The following PRDM9 variants were observed in gnomAD, a reference collection of about 807,000 sequenced individuals.
The protein encoded by PRDM9 is histone-lysine N-methyltransferase PRDM9.
PRDM9 carries 47 observed loss-of-function variants against 55.6 expected under a neutral mutation model. That is an observed-to-expected ratio of 0.85 (90% CI 0.67 to 1.08). PRDM9 has a LOEUF of 1.08. Among genes scored for constraint, PRDM9 ranks in the 50% least tolerant of loss-of-function variants. PRDM9 has a pLI of 0.00. For synonymous variants in PRDM9, 312 were observed against 375.7 expected (o/e 0.83, Z 1.96); for missense variants, 867 against 1,040.3 (o/e 0.83, Z 2.29).
intron 10 of PRDM9, among the ~76,000 whole-genome samples, chr5:23,525,339 G>C (rs1386281259): frequency 6.6e-6 from 1 of 152,186 alleles, no homozygotes; most frequent in Non-Finnish European, 1.5e-5. Context: ...GAGAATGGTG[G>C]GCAGGATGAA....
At chr5:23,508,488 C>T (rs368103874) in intron 1 of PRDM9, among the ~76,000 whole-genome samples, 1 of 152,260 alleles carries the variant, frequency 6.6e-6, no homozygotes, top group East Asian at 1.9e-4. Flanking sequence ...TGCTTTACTC[C>T]TGGATTTTTC....
chr5:23,508,199 C>T (rs1276185401), intron 1 of PRDM9, among the ~76,000 whole-genome samples: 1 of 152,070 alleles, frequency 6.6e-6, no homozygotes, highest in African/African-American at 2.4e-5. Context: ...CAAATCCTTT[C>T]ATCCTGAGGA....
At chr5:23,507,766 C>G (rs1459308115) in intron 1 of PRDM9, 54 bp downstream of exon 1, 1 of 152,226 alleles carries the variant, frequency 6.6e-6, no homozygotes, top group Admixed American at 6.6e-5. Flanking sequence ...CCCAGATCCC[C>G]TCACCCTGGG....
rs1225319688 is a variant in PRDM9 at position 23,509,463 on chromosome 5, C to T, written c.70-7C>T. The T allele has an allele frequency of 5.0e-6, 8 of 1,614,134 alleles. No individual in the cohort carries two copies. The South Asian group carries it at 6.6e-5, about 13-fold the overall frequency. On this transcript the variant is annotated splice_polypyrimidine_tract_variant and splice_region_variant and intron_variant, in intron 2 of 10. Transcript: ENST00000296682. ...AAATCACTGATGGAATCTGTTACTT[C>T]CTCTAGGTCAAAGATGCCTTCAAAG...
intron 2 of PRDM9, 46 bp from the exon 3 acceptor site, chr5:23,509,424 T>A: frequency 6.2e-7 from 1 of 1,613,984 alleles, no homozygotes; most frequent in Non-Finnish European, 8.5e-7. Flanking sequence ...AGGACCAGCT[T>A]GATGTGTACT....
chr5:23,520,817 G>C (rs1170179932), intron 5 of PRDM9, among the ~76,000 whole-genome samples: 1 of 152,128 alleles, frequency 6.6e-6, no homozygotes, highest in African/African-American at 2.4e-5. Flanking sequence ...TTTAGAGAAA[G>C]TTGAAGGAAA....
chr5:23,519,731 C>A (rs1371515232), intron 5 of PRDM9, among the ~76,000 whole-genome samples: 1 of 151,728 alleles, frequency 6.6e-6, no homozygotes. Context: ...ACATTATTAT[C>A]TTTCATGTTC....
chr5:23,525,167 C>T (rs1328957512), intron 10 of PRDM9, among the ~76,000 whole-genome samples: 2 of 152,190 alleles, frequency 1.3e-5, no homozygotes, highest in African/African-American at 4.8e-5. Context: ...TCTTAGGAGA[C>T]AGCATTTGAG....
In PRDM9 at chr5:23,526,336, C is replaced by T; in HGVS notation, c.1248C>T (p.Phe416=). The change falls in exon 11 of 11, where the codon TTC becomes TTT. Residue 416 remains phenylalanine, a synonymous_variant. Coordinates refer to ENST00000296682, the MANE Select transcript of PRDM9 (RefSeq NM_020227.4). ...HVERNHSSQN[F]PGPSARKLLQ... ...AACGCAATCACTCCTCTCAGAACTTCCCAGGACCATCTGCAAGAAAACTCC... is the reference window on the plus strand; with the variant it reads ...AACGCAATCACTCCTCTCAGAACTTTCCAGGACCATCTGCAAGAAAACTCC... 6.2e-7 allele frequency: 1 copy of T among 1,614,188 alleles called. No individual in the cohort carries two copies. The highest frequency in any genetic ancestry group is 8.5e-7 in the Non-Finnish European group (1 of 1,180,040).
chr5:23,526,770 T>G lies in PRDM9; in HGVS notation c.1682T>G (p.Phe561Cys). The part of the protein sequence containing the change: ...LYVCRECGRG[F>C]SWKSHLLIHQ... ...GTCTGCAGGGAGTGTGGGCGGGGCT[T>G]TAGCTGGAAGTCACACCTCCTCATT... The change falls in exon 11 of 11, where the codon TTT (phenylalanine) becomes TGT (cysteine). Residue 561 changes from phenylalanine (F) to cysteine (C), a missense_variant. Around this residue, in one of 5 missense-constraint regions of PRDM9, gnomAD observed 662 missense variants for 711.9 expected, o/e 0.93. Transcript: ENST00000296682. 6.3e-7 allele frequency: 1 copy of G among 1,589,626 alleles called. No individual in the cohort carries two copies. Among genetic ancestry groups the G allele is most frequent in the Non-Finnish European group, 8.6e-7 (1 of 1,169,088 alleles).
chr5:23,512,479 A>G (rs1435635330), intron 4 of PRDM9, among the ~76,000 whole-genome samples: 1 of 152,158 alleles, frequency 6.6e-6, no homozygotes, highest in Non-Finnish European at 1.5e-5. Flanking sequence ...AAGAGGTATG[A>G]AAGGCCAGTG....
At chr5:23,521,257 G>A (rs1386229147) in intron 6 of PRDM9, 78 bp downstream of exon 6, 5 of 1,555,982 alleles carry the variant, frequency 3.2e-6, no homozygotes, top group African/African-American at 2.7e-5. Context: ...TACCTATGTG[G>A]GGTGGACTTT....
intron 5 of PRDM9, among the ~76,000 whole-genome samples, chr5:23,520,364 C>CAA (rs59333354): frequency 5.1e-3 from 224 of 43,534 alleles, no homozygotes; most frequent in Non-Finnish European, 6.0e-3. Flanking sequence ...GACTCCTTCT[C>CAA]AAAAAAAAAA....
rs780759190 is a variant in PRDM9, at chr5:23,522,406, G to A, written c.610+1G>A. ...GAGCCGCAGGATGATGATTACCTCTGTAAGTGACACTTTTGGCCACTCACA... is the reference window on the plus strand; with the variant it reads ...GAGCCGCAGGATGATGATTACCTCTATAAGTGACACTTTTGGCCACTCACA... On this transcript the variant is annotated splice_donor_variant, in intron 7 of 10. Transcript: ENST00000296682. LOFTEE classifies it high-confidence loss of function. The A allele has an allele frequency of 1.9e-6, 3 of 1,612,976 alleles. No individual in the cohort carries two copies. Among genetic ancestry groups the A allele is most frequent in the Non-Finnish European group, 2.5e-6 (3 of 1,178,926 alleles).
intron 10 of PRDM9, 61 bp from the exon 11 acceptor site, chr5:23,526,172 C>A (rs191157574): frequency 2.6e-6 from 4 of 1,514,476 alleles, no homozygotes; most frequent in African/African-American, 1.4e-5. Context: ...GATCTTCATA[C>A]CTTCATATGT....
At chr5:23,509,168 C>A (rs371961257) in intron 2 of PRDM9, 66 bp downstream of exon 2, 2 of 1,591,772 alleles carry the variant, frequency 1.3e-6, no homozygotes. Flanking sequence ...CTGCAGACTC[C>A]TGGCCTGTAC....
At position 23,521,207 on chromosome 5, in the gene PRDM9, A is replaced by AGTCC. The variant is rs560791425; in HGVS notation, c.508+29_508+32dup. The AGTCC allele has an allele frequency of 5.1e-5, 82 of 1,611,106 alleles. No individual in the cohort carries two copies. The African/African-American group carries it at 9.3e-4, about 18-fold the overall frequency. On this transcript the variant is annotated intron_variant, in intron 6 of 10. Coordinates refer to ENST00000296682, the MANE Select transcript of PRDM9 (RefSeq NM_020227.4). ...AAGAAAAAATATTTGCGGGGACTTT[A>AGTCC]GTCCCTCTATGTCCTCTAGAAAGGT...
At chr5:23,519,628 TG>T (rs1739287063) in intron 5 of PRDM9, among the ~76,000 whole-genome samples, 1 of 152,128 alleles carries the variant, frequency 6.6e-6, no homozygotes, top group Admixed American at 6.5e-5. Flanking sequence ...CCCAAAGTGC[TG>T]GGATTACAGG....
rs1579595665 is a variant in PRDM9, at chr5:23,524,582, G to T, written c.1144+55G>T. 22 of 1,610,222 alleles carry T rather than the reference G, an allele frequency of 1.4e-5. No homozygotes were observed. In the East Asian group the frequency reaches 4.7e-4, roughly 34 times the overall value. On this transcript the variant is annotated intron_variant, in intron 10 of 10. Coordinates refer to ENST00000296682, the MANE Select transcript of PRDM9 (RefSeq NM_020227.4). ...ACAGGAAAGAAAGAATTATCCTAGA[G>T]AATTTTCATGGTTTAACTCTTAAGT...
Sources: gnomAD v4.1 joint callset for allele counts (sites outside exome capture counted in the v4.1 genomes callset) on GRCh38, gnomAD v4.1.1 for gene constraint, gnomAD v4.1.1 regional missense constraint, MANE v1.5 for transcripts, NCBI Gene and HGNC (gene_info 2026-07-23, HGNC 2026-07-21) for gene names.